The following DPP6 variants were observed in gnomAD, a reference collection of about 807,000 sequenced individuals.
The protein encoded by DPP6 is A-type potassium channel modulatory protein DPP6.
A neutral mutation model predicts 122.6 loss-of-function variants in DPP6; 69 were observed. That is an observed-to-expected ratio of 0.56 (90% CI 0.46 to 0.69). The LOEUF is 0.69. DPP6 is among the 30% of genes least tolerant of loss of function. The pLI, the probability that DPP6 is intolerant of heterozygous loss-of-function variation, is 0.00. For synonymous variants in DPP6, 418 were observed against 433.1 expected (o/e 0.97, Z 0.43); for missense variants, 928 against 1,116.9 (o/e 0.83, Z 2.41).
At chr7:154,261,894 T>C (rs754822111) in intron 1 of DPP6, among the ~76,000 whole-genome samples, 4 of 152,080 alleles carry the variant, frequency 2.6e-5, no homozygotes, top group Admixed American at 6.6e-5. Context: ...TAATTTTGCT[T>C]ATACTTGGAG....
chr7:154,414,220 G>A (rs926017891), intron 1 of DPP6, among the ~76,000 whole-genome samples: 1 of 152,058 alleles, frequency 6.6e-6, no homozygotes, highest in Non-Finnish European at 1.5e-5. Context: ...TTACTACTCC[G>A]ACCAACAAAA....
At chr7:154,011,348 C>T (rs555559178) in intron 1 of DPP6, among the ~76,000 whole-genome samples, 1 of 152,302 alleles carries the variant, frequency 6.6e-6, no homozygotes, top group South Asian at 2.1e-4. Flanking sequence ...CTGGCGTTTG[C>T]ATCAGGAGAT....
intron 1 of DPP6, among the ~76,000 whole-genome samples, chr7:154,105,952 C>T (rs1358158909): frequency 2.0e-5 from 3 of 149,244 alleles, no homozygotes; most frequent in Non-Finnish European, 2.9e-5. Flanking sequence ...ACTCGCTTTC[C>T]CATCTCACTT....
chr7:154,271,673 C>A (rs1034165778), intron 1 of DPP6, among the ~76,000 whole-genome samples: 1 of 152,128 alleles, frequency 6.6e-6, no homozygotes, highest in Non-Finnish European at 1.5e-5. Flanking sequence ...AGAAAGAGTG[C>A]ACCTTCCTTT....
intron 4 of DPP6, among the ~76,000 whole-genome samples, chr7:154,551,317 T>G (rs1009588462): frequency 1.3e-5 from 2 of 152,140 alleles, no homozygotes; most frequent in Non-Finnish European, 2.9e-5. Context: ...GTTTCTCTCT[T>G]TTTTGGGGGA....
intron 1 of DPP6, among the ~76,000 whole-genome samples, chr7:154,203,888 A>C (rs1799300938): frequency 6.6e-6 from 1 of 152,178 alleles, no homozygotes; most frequent in Admixed American, 6.5e-5. Flanking sequence ...AGGCAGTAAC[A>C]TCTATTTTTG....
chr7:154,083,645 T>C (rs1304181989), intron 1 of DPP6, among the ~76,000 whole-genome samples: 2 of 148,518 alleles, frequency 1.3e-5, no homozygotes, highest in Non-Finnish European at 3.0e-5. Flanking sequence ...GCTTCAGCTG[T>C]TTCAAATAAA....
chr7:153,964,850 CCTTTTCCCTTT>C (rs1795575622), intron 1 of DPP6, among the ~76,000 whole-genome samples: 3 of 130,010 alleles, frequency 2.3e-5, no homozygotes, highest in Non-Finnish European at 4.5e-5. Context: ...TTTTCCTTTT[CCTTTTCCCTTT>C]CCTTTCCTTT....
At chr7:154,301,798 TTTTTTTTTTTTTTTTG>T (rs1411117845) in intron 1 of DPP6, among the ~76,000 whole-genome samples, 4 of 92,774 alleles carry the variant, frequency 4.3e-5, no homozygotes, top group African/African-American at 2.9e-4. Context: ...TTTTTTTTTT[TTTTTTTTTTTTTTTTG>T]TTGGAGACAG....
intron 2 of DPP6, among the ~76,000 whole-genome samples, chr7:154,460,073 C>G (rs561404722): frequency 6.9e-6 from 1 of 144,662 alleles, no homozygotes; most frequent in African/African-American, 2.5e-5. Flanking sequence ...CCTCTGCCTC[C>G]TGGATTCAAG....
chr7:153,875,557 A>AT, the DPP6 span, among the ~76,000 whole-genome samples: 1 of 152,140 alleles, frequency 6.6e-6, no homozygotes, highest in Non-Finnish European at 1.5e-5. Flanking sequence ...GATTACTCAA[A>AT]GTTCCTTATT....
At chr7:154,127,546 C>G (rs1225316135) in intron 1 of DPP6, among the ~76,000 whole-genome samples, 13 of 151,500 alleles carry the variant, frequency 8.6e-5, no homozygotes, top group Non-Finnish European at 1.3e-4. Context: ...CTGCTGTTGC[C>G]TCCGGCTTTC....
intron 1 of DPP6, among the ~76,000 whole-genome samples, chr7:154,176,737 C>A (rs1036486408): frequency 2.6e-5 from 4 of 152,226 alleles, no homozygotes; most frequent in African/African-American, 9.6e-5. Context: ...TTATGGCGAC[C>A]CTCGGAAGAG....
rs765187063 is a variant in DPP6 at position 154,637,871 on chromosome 7, T to G, written c.678T>G (p.His226Gln). The stretch of plus-strand genomic sequence containing the variant: ...ATTACGTCCTGAGCAAAATTCCTCA[T>G]GGGTAAGAGTGTTCTTTTCTTTCTT... The part of the protein sequence containing the change: ...TGYYVLSKIP[H>Q]GDPQSLDPPE... The change falls in exon 6 of 26, where the codon CAT (histidine) becomes CAG (glutamine). Residue 226 changes from histidine to glutamine, a missense_variant and splice_region_variant. His to Gln is a conservative substitution (Grantham distance 24). Coordinates refer to ENST00000377770, the MANE Select transcript of DPP6 (RefSeq NM_130797.4). The G allele has an allele frequency of 1.3e-6, 2 of 1,572,610 alleles. No homozygotes were observed. The highest frequency in any genetic ancestry group is 1.7e-4 in the Middle Eastern group (1 of 6,012).
intron 17 of DPP6, among the ~76,000 whole-genome samples, chr7:154,865,149 C>A (rs1471318547): frequency 6.6e-6 from 1 of 152,294 alleles, no homozygotes; most frequent in Admixed American, 6.5e-5. Flanking sequence ...CCAGCTGAAG[C>A]CCTTTCTGGG....
chr7:154,306,181 C>A (rs950858696), intron 1 of DPP6, among the ~76,000 whole-genome samples: 12 of 152,154 alleles, frequency 7.9e-5, no homozygotes, highest in African/African-American at 2.7e-4. Context: ...GGGCTGACCG[C>A]GGACGGGGAA....
chr7:154,891,338 A>T (rs964106239), intron 25 of DPP6: 3 of 152,210 alleles, frequency 2.0e-5, no homozygotes, highest in African/African-American at 7.2e-5. Flanking sequence ...CAGTAGAATA[A>T]TTAGCCATCA....
intron 1 of DPP6, among the ~76,000 whole-genome samples, chr7:154,244,697 C>CA (rs1240011413): frequency 6.6e-6 from 1 of 151,614 alleles, no homozygotes; most frequent in Non-Finnish European, 1.5e-5. Flanking sequence ...AAAAATAATG[C>CA]AAAGAGGTAT....
At chr7:154,305,469 G>A (rs550903644) in intron 1 of DPP6, 8 of 1,578,780 alleles carry the variant, frequency 5.1e-6, no homozygotes, top group Non-Finnish European at 6.9e-6. Context: ...CACCTGCCCC[G>A]GTGGTGGGAA....
Sources: allele counts gnomAD v4.1 joint callset (sites outside exome capture counted in the v4.1 genomes callset), GRCh38; gene constraint gnomAD v4.1.1; transcripts MANE v1.5; gene names NCBI Gene and HGNC (gene_info 2026-07-23, HGNC 2026-07-21).